ZNF770: variants seen among roughly 807,000 people sequenced by gnomAD.
ZNF770 encodes the protein zinc finger protein 770.
A neutral mutation model predicts 44.8 loss-of-function variants in ZNF770; 13 were observed. The observed-to-expected ratio is 0.29, with a 90% CI of 0.19 to 0.46. The LOEUF (loss-of-function observed/expected upper bound fraction) is 0.46. Ranked by LOEUF, ZNF770 falls within the 20% of genes least tolerant of loss-of-function variation. The pLI is 1.00. For synonymous variants in ZNF770, 304 were observed against 271.8 expected, an observed-to-expected ratio of 1.12 and a Z score of -1.17; for missense variants, 681 against 797.9, an observed-to-expected ratio of 0.85 and a Z score of 1.77.
At chr15:34,984,423 G>C (rs2050422031) in intron 2 of ZNF770, among the ~76,000 whole-genome samples, 1 of 151,860 alleles carries the variant, frequency 6.6e-6, no homozygotes. Context: ...TTGGGAGGCT[G>C]AGGCTGGTGG....
At position 34,985,791 on chromosome 15, in the gene ZNF770, G is replaced by A. The variant is rs567050462; in HGVS notation, c.-57+1766C>T. The stretch of plus-strand genomic sequence containing the variant: ...TGCCTGTAATTTCAGCTACTTGGGA[G>A]GCTGAGTCAGGAGAATTGCTTGAAC... On this transcript the variant is annotated intron_variant, in intron 2 of 2. Coordinates refer to ENST00000356321, the MANE Select transcript of ZNF770 (RefSeq NM_014106.4). 8.1e-4 allele frequency among the ~76,000 whole-genome samples: 124 copies of A among 152,160 alleles called. 1 individual carries two copies. The highest frequency in any genetic ancestry group is 6.2e-3 in the South Asian group (30 of 4,816).
rs774075763 is a variant in ZNF770 at position 34,981,684 on chromosome 15, G to A, written c.1751C>T (p.Ser584Leu). Residue 584 changes from serine (S) to leucine (L), a missense_variant, in exon 3 of 3, where the codon TCA becomes TTA. Around this residue, in one of 5 missense-constraint regions of ZNF770, gnomAD observed 148 missense variants for 191.0 expected, o/e 0.77. Coordinates refer to ENST00000356321, the MANE Select transcript of ZNF770 (RefSeq NM_014106.4). ...SDQMSGVKAE[S>L]QDFIPGSTGQ... ...GGTGCTACCAGGAATAAAATCCTGT[G>A]ACTCTGCCTTAACTCCTGACATTTG... 6.2e-7 allele frequency: 1 copy of A among 1,614,052 alleles called. No individual in the cohort carries two copies. Among genetic ancestry groups the A allele is most frequent in the African/African-American group, 1.3e-5 (1 of 75,052 alleles).
chr15:34,986,698 G>A (rs961681259), intron 2 of ZNF770, among the ~76,000 whole-genome samples: 1 of 152,174 alleles, frequency 6.6e-6, no homozygotes, highest in African/African-American at 2.4e-5. Flanking sequence ...CTCACTGAAA[G>A]GAGCCCCTAA....
At position 34,981,382 on chromosome 15, in the gene ZNF770, C is replaced by A. The variant is rs369407356; in HGVS notation, c.2053G>T (p.Val685Phe). ...ATTTACATAACCGAATCTAAGGCAA[C>A]CACTTTCCCTTGTGGTCGTTCTTTA... ...HFKERPQGKV[V>F]ALDSVM is the part of the protein sequence containing the mutation. The change falls in exon 3 of 3, where the codon GTT (valine) becomes TTT (phenylalanine). Residue 685 changes from valine (V) to phenylalanine (F), a missense_variant. Val to Phe is a conservative substitution (Grantham distance 50, BLOSUM62 -1). Coordinates refer to ENST00000356321, the MANE Select transcript of ZNF770 (RefSeq NM_014106.4). 1 of 1,611,526 alleles carries A rather than the reference C, an allele frequency of 6.2e-7. No homozygotes were observed. Among genetic ancestry groups the A allele is most frequent in the South Asian group, 1.1e-5 (1 of 90,946 alleles).
In ZNF770 at chr15:34,982,534, T is replaced by C. The variant is rs1566798326; in HGVS notation, c.901A>G (p.Lys301Glu). 1 of 1,613,850 alleles carries C rather than the reference T, an allele frequency of 6.2e-7. No homozygotes were observed. The highest frequency in any genetic ancestry group is 1.1e-5 in the South Asian group (1 of 91,070). ...IVPFQCPKCEKCFESEQILNE... is the reference protein window; with the variant it reads ...IVPFQCPKCEECFESEQILNE... ...AGAATCTGCTCTGATTCAAAACACT[T>C]TTCACACTTTGGACATTGAAAAGGG... Residue 301 changes from lysine to glutamate, a missense_variant, in exon 3 of 3, where the codon AAG becomes GAG. Physicochemically the swap from Lys to Glu is moderately conservative, Grantham distance 56 (BLOSUM62 1). This residue lies in a region of ZNF770 where 432 missense variants were observed against 434.1 expected (regional missense o/e 1.00). Coordinates refer to ENST00000356321, the MANE Select transcript of ZNF770 (RefSeq NM_014106.4).
intron 2 of ZNF770, among the ~76,000 whole-genome samples, chr15:34,984,220 T>TA (rs1401833933): frequency 2.6e-5 from 4 of 152,178 alleles, no homozygotes; most frequent in Admixed American, 6.5e-5. Context: ...ATGAATGTGC[T>TA]AAAAAACAGT....
intron 2 of ZNF770, among the ~76,000 whole-genome samples, chr15:34,986,211 T>C (rs1383236993): frequency 6.6e-6 from 1 of 152,146 alleles, no homozygotes; most frequent in African/African-American, 2.4e-5. Context: ...TTCCAAAATA[T>C]TTATTTTAAA....
Position 34,981,852 on chromosome 15 carries a change from T to C in ZNF770, c.1583A>G (p.Lys528Arg). 6.2e-7 allele frequency: 1 copy of C among 1,613,926 alleles called. No homozygotes were observed. Among genetic ancestry groups the C allele is most frequent in the Non-Finnish European group, 8.5e-7 (1 of 1,180,010 alleles). The change falls in exon 3 of 3, where the codon AAG (lysine) becomes AGG (arginine). Residue 528 changes from lysine to arginine, a missense_variant. Physicochemically the swap from Lys to Arg is conservative, Grantham distance 26 (BLOSUM62 2). Transcript: ENST00000356321. ...TTGGCAAAGAGATGCATAAGGACTCTTTTCATTATGAGTCTGTTCATGTCT... is the reference window on the plus strand; with the variant it reads ...TTGGCAAAGAGATGCATAAGGACTCCTTTCATTATGAGTCTGTTCATGTCT... ...LKRHEQTHNE[K>R]SPYASLCQVE...
rs35830261 is a variant in ZNF770 at position 34,980,857 on chromosome 15, CAAAAAAA to C, written c.*495_*501del. 7.7e-6 allele frequency: 1 copy of C among 129,404 alleles called. No individual in the cohort carries two copies. Among genetic ancestry groups the C allele is most frequent in the African/African-American group, 2.6e-5 (1 of 38,882 alleles). The allele number at this position is 129,404 out of a possible 1,614,324, so 8.0% of individuals were successfully genotyped here. A position where few individuals can be genotyped will look rare whatever the true frequency, so the allele number is the denominator to read the frequency against. On this transcript the variant is annotated 3_prime_UTR_variant, in exon 3 of 3. Coordinates refer to ENST00000356321, the MANE Select transcript of ZNF770 (RefSeq NM_014106.4). ...GTGTCTCTGTAGTTTTTTTAACTTA[CAAAAAAA>C]AAAAAAAAATTACCAATGCAATTTG... is the stretch of plus-strand genomic sequence containing the variant.
chr15:34,982,587 G>C lies in ZNF770; in HGVS notation c.848C>G (p.Pro283Arg). ...GEIGESEENN[P>R]LDVHSIYIVP... ...AATATAAATTGAGTGGACATCAAGT[G>C]GATTATTCTCCTCAGATTCACCAAT... Residue 283 changes from proline to arginine, a missense_variant, in exon 3 of 3, where the codon CCA becomes CGA. Pro to Arg is a moderately radical substitution (Grantham distance 103). This residue lies in a region of ZNF770 where 432 missense variants were observed against 434.1 expected (regional missense o/e 1.00). Transcript: ENST00000356321. 6.2e-7 allele frequency: 1 copy of C among 1,613,580 alleles called. No homozygotes were observed. Among genetic ancestry groups the C allele is most frequent in the Non-Finnish European group, 8.5e-7 (1 of 1,179,988 alleles).
At chr15:34,984,733 G>T (rs150762823) in intron 2 of ZNF770, among the ~76,000 whole-genome samples, 6 of 152,170 alleles carry the variant, frequency 3.9e-5, no homozygotes, top group African/African-American at 1.4e-4. Flanking sequence ...CGACAAATTG[G>T]TTACTTATAT....
chr15:34,987,473 A>G (rs1442393446), intron 2 of ZNF770, 84 bp downstream of exon 2: 1 of 152,262 alleles, frequency 6.6e-6, no homozygotes, highest in East Asian at 1.9e-4. Context: ...AGAATAGTAG[A>G]TCTGCTCAGT....
In ZNF770 at chr15:34,979,660, T is replaced by C; in HGVS notation, c.*1699A>G. On this transcript the variant is annotated 3_prime_UTR_variant, in exon 3 of 3. Transcript: ENST00000356321. ...GCAGATCACCCCCACCTACTATCCC[T>C]CCCGCCTCCCCCCTGTCAAAAGAAA... The C allele has an allele frequency of 2.2e-6, 1 of 448,232 alleles. No homozygotes were observed. The highest frequency in any genetic ancestry group is 4.5e-6 in the Non-Finnish European group (1 of 223,990). 27.8% of individuals were successfully genotyped at this position (448,232 alleles called of 1,614,324 possible). A position where few individuals can be genotyped will look rare whatever the true frequency, so the allele number is the denominator to read the frequency against.
Position 34,980,474 on chromosome 15 carries a change from AAAAT to A in ZNF770, c.*881_*884del, listed in dbSNP as rs2050393737. 2.0e-5 allele frequency: 3 copies of A among 152,326 alleles called. No homozygotes were observed. The highest frequency in any genetic ancestry group is 3.4e-3 in the Middle Eastern group (1 of 294). The allele number at this position is 152,326 out of a possible 1,614,324, so 9.4% of individuals were successfully genotyped here. A position where few individuals can be genotyped will look rare whatever the true frequency, so the allele number is the denominator to read the frequency against. On this transcript the variant is annotated 3_prime_UTR_variant, in exon 3 of 3. Coordinates refer to ENST00000356321, the MANE Select transcript of ZNF770 (RefSeq NM_014106.4). Reference sequence around the variant, plus strand: ...AAGGTGAAATTACCACATAGTCCTAAAAATAAATAGCTTTGAAAAGACCGTCGGG... The same window carrying A: ...AAGGTGAAATTACCACATAGTCCTAAAAATAGCTTTGAAAAGACCGTCGGG...
Position 34,982,640 on chromosome 15 carries a change from T to A in ZNF770, c.795A>T (p.Ala265=). 1 of 1,612,980 alleles carries A rather than the reference T, an allele frequency of 6.2e-7. No individual in the cohort carries two copies. Among genetic ancestry groups the A allele is most frequent in the Non-Finnish European group, 8.5e-7 (1 of 1,179,984 alleles). The part of the protein sequence containing the change: ...ESRPLPNKLN[A]NQGGFENGEI... The stretch of plus-strand genomic sequence containing the variant: ...CACCATTTTCAAAACCACCCTGATT[T>A]GCATTTAACTTATTAGGCAGGGGGC... The change falls in exon 3 of 3, where the codon GCA becomes GCT. Residue 265 remains alanine (A), a synonymous_variant. Transcript: ENST00000356321.
Position 34,982,347 on chromosome 15 carries a change from T to A in ZNF770, c.1088A>T (p.Lys363Met). 1.2e-6 allele frequency: 2 copies of A among 1,608,198 alleles called. No individual in the cohort carries two copies. The highest frequency in any genetic ancestry group is 1.7e-6 in the Non-Finnish European group (2 of 1,178,388). The change falls in exon 3 of 3, where the codon AAG becomes ATG. Residue 363 changes from lysine to methionine, a missense_variant. Physicochemically the swap from Lys to Met is moderately conservative, Grantham distance 95. Transcript: ENST00000356321. ...AAGATCACAATTTCTCAAGAAACTC[T>A]TTTTAAATACTTTTTTCTCAGATTG... ...NFQSEKKVFK[K>M]SFLRNCDLIS...
intron 2 of ZNF770, 35 bp downstream of exon 2, chr15:34,987,522 T>G (rs2050442867): frequency 6.6e-6 from 1 of 152,256 alleles, no homozygotes; most frequent in Admixed American, 6.5e-5. Context: ...AACAAGATAC[T>G]CTACGTGAAG....
In ZNF770 at chr15:34,982,272, G is replaced by A. The variant is rs1595373634; in HGVS notation, c.1163C>T (p.Ser388Phe). 6 of 1,613,852 alleles carry A rather than the reference G, an allele frequency of 3.7e-6. No homozygotes were observed. The highest frequency in any genetic ancestry group is 5.1e-6 in the Non-Finnish European group (6 of 1,179,952). Residue 388 changes from serine to phenylalanine, a missense_variant, in exon 3 of 3, where the codon TCT (serine) becomes TTT (phenylalanine). Around this residue, in one of 5 missense-constraint regions of ZNF770, gnomAD observed 432 missense variants for 434.1 expected, o/e 1.00. Coordinates refer to ENST00000356321, the MANE Select transcript of ZNF770 (RefSeq NM_014106.4). ...SEQTQRTFVG[S>F]LGKHGTYKTI... ...TTTATATGTTCCATGTTTGCCAAGAGAACCCACAAATGTTCTCTGGGTTTG... is the reference window on the plus strand; with the variant it reads ...TTTATATGTTCCATGTTTGCCAAGAAAACCCACAAATGTTCTCTGGGTTTG...
Position 34,982,127 on chromosome 15 carries a change from A to T in ZNF770, c.1308T>A (p.Asn436Lys). 3 of 1,614,084 alleles carry T rather than the reference A, an allele frequency of 1.9e-6. No homozygotes were observed. The highest frequency in any genetic ancestry group is 1.1e-5 in the South Asian group (1 of 91,080). Residue 436 changes from asparagine to lysine, a missense_variant, in exon 3 of 3, where the codon AAT becomes AAA. This residue lies in a region of ZNF770 where 432 missense variants were observed against 434.1 expected (regional missense o/e 1.00). Coordinates refer to ENST00000356321, the MANE Select transcript of ZNF770 (RefSeq NM_014106.4). ...AACCACAGATTGACAAGTCTTTCTT[A>T]TTCACTGAATTATCAATGCTTAATA... ...ENILSIDNSV[N>K]KKDLSICGSS...
Sources: allele counts gnomAD v4.1 joint callset (sites outside exome capture counted in the v4.1 genomes callset), GRCh38; gene constraint gnomAD v4.1.1; regional missense constraint gnomAD v4.1.1; transcripts MANE v1.5; gene names NCBI Gene and HGNC (gene_info 2026-07-23, HGNC 2026-07-21).